Variants in PLCH1 observed in about 807,000 individuals in gnomAD.
PLCH1 encodes the protein phospholipase C eta 1.
In PLCH1, 60 loss-of-function variants were observed where a neutral mutation model predicts 126.7. The ratio of observed to expected loss-of-function variants is 0.47; its 90% CI spans 0.38 to 0.59. The LOEUF (loss-of-function observed/expected upper bound fraction) is 0.59, where lower values mean the gene tolerates loss of function less well. Among genes scored for constraint, PLCH1 ranks in the 20% least tolerant of loss-of-function variants. The pLI, the probability that PLCH1 is intolerant of heterozygous loss-of-function variation, is 0.00. For synonymous variants in PLCH1, 719 were observed against 734.9 expected (o/e 0.98, Z 0.35); for missense variants, 1,723 against 2,040.0 (o/e 0.84, Z 2.99).
chr3:155,742,455 T>C (rs1405079116), intron 1 of PLCH1: 1 of 152,174 alleles, frequency 6.6e-6, no homozygotes, highest in Non-Finnish European at 1.5e-5. Context: ...AAATCCTCGC[T>C]CTGCCCATCA....
Position 155,718,000 on chromosome 3 carries a change from T to C in PLCH1, c.-40-13736A>G, listed in dbSNP as rs115389047. On this transcript the variant is annotated intron_variant, in intron 1 of 22. Transcript: ENST00000460012. ...CTTTAAGTCATTTATTTGCTCCCAC[T>C]TCTGAGCATAGGCTGTTAGAAGCAG... Among the ~76,000 whole-genome samples, 680 of 152,310 alleles carry C rather than the reference T, an allele frequency of 4.5e-3. 6 individuals carry two copies. Among genetic ancestry groups the C allele is most frequent in the African/African-American group, 0.015 (634 of 41,566 alleles).
At chr3:155,744,442 G>T (rs945163770) in intron 1 of PLCH1, among the ~76,000 whole-genome samples, 1 of 152,224 alleles carries the variant, frequency 6.6e-6, no homozygotes, top group Non-Finnish European at 1.5e-5. Flanking sequence ...ACGCGGACCT[G>T]CTCTCCTGGC....
intron 2 of PLCH1, among the ~76,000 whole-genome samples, chr3:155,650,212 T>C (rs1366579887): frequency 6.6e-6 from 1 of 152,210 alleles, no homozygotes; most frequent in South Asian, 2.1e-4. Flanking sequence ...CTATGAGATG[T>C]GATAGGTATA....
At chr3:155,579,188 G>A (rs951065709) in intron 6 of PLCH1, among the ~76,000 whole-genome samples, 3 of 152,134 alleles carry the variant, frequency 2.0e-5, no homozygotes, top group East Asian at 1.9e-4. Flanking sequence ...CTTGTTAATC[G>A]GTCTTTTGTT....
intron 2 of PLCH1, among the ~76,000 whole-genome samples, chr3:155,622,102 A>T (rs1030521191): frequency 1.3e-5 from 2 of 152,230 alleles, no homozygotes; most frequent in African/African-American, 4.8e-5. Flanking sequence ...AGTGGGGGCC[A>T]ATATTCAACA....
chr3:155,502,625 A>C (rs528718330), intron 13 of PLCH1, among the ~76,000 whole-genome samples: 1 of 152,344 alleles, frequency 6.6e-6, no homozygotes, highest in South Asian at 2.1e-4. Context: ...ATGAATCACC[A>C]ATGACAGATA....
At chr3:155,627,723 A>T (rs539706749) in intron 2 of PLCH1, among the ~76,000 whole-genome samples, 39 of 152,014 alleles carry the variant, frequency 2.6e-4, no homozygotes, top group African/African-American at 9.4e-4. Flanking sequence ...TGATGTGATT[A>T]AAAAGAATAT....
intron 8 of PLCH1, 55 bp from the exon 9 acceptor site, chr3:155,554,251 A>G (rs1228460680): frequency 1.7e-5 from 27 of 1,550,354 alleles, no homozygotes; most frequent in Non-Finnish European, 2.2e-5. Context: ...GTTTATTAAT[A>G]TTTCTGGAAA....
chr3:155,608,705 A>G (rs560229412), intron 2 of PLCH1, among the ~76,000 whole-genome samples: 1 of 152,144 alleles, frequency 6.6e-6, no homozygotes, highest in Non-Finnish European at 1.5e-5. Context: ...CTCCCACCCA[A>G]GGAGAGTCTG....
At chr3:155,506,576 C>T (rs910913552) in intron 12 of PLCH1, among the ~76,000 whole-genome samples, 2 of 126,128 alleles carry the variant, frequency 1.6e-5, no homozygotes, top group Non-Finnish European at 3.2e-5. Flanking sequence ...TTGTTCAATT[C>T]CCACCTATGA....
intron 1 of PLCH1, among the ~76,000 whole-genome samples, chr3:155,705,254 G>C (rs1746570713): frequency 6.6e-6 from 1 of 152,102 alleles, no homozygotes; most frequent in Non-Finnish European, 1.5e-5. Flanking sequence ...TTCATTAATG[G>C]AACAATTGGT....
At chr3:155,490,967 A>G (rs2108073088) in intron 18 of PLCH1, 99 bp from the exon 19 acceptor site, 1 of 668,914 alleles carries the variant, frequency 1.5e-6, no homozygotes. Context: ...TTTCGACAGC[A>G]ACTGATTTTA....
intron 10 of PLCH1, among the ~76,000 whole-genome samples, chr3:155,539,884 A>G (rs1380354073): frequency 2.0e-5 from 3 of 152,162 alleles, no homozygotes; most frequent in Non-Finnish European, 4.4e-5. Flanking sequence ...AACTGGAAAA[A>G]AAATCCTAAA....
intron 10 of PLCH1, among the ~76,000 whole-genome samples, chr3:155,526,489 TACACACACACACACACACACAC>T (rs35144196): frequency 1.6e-5 from 2 of 126,566 alleles, no homozygotes; most frequent in Admixed American, 8.2e-5. Flanking sequence ...CTCTCTCTCA[TACACACACACACACACACACAC>T]ACACACACAC....
chr3:155,647,894 T>C (rs758015615), intron 2 of PLCH1, among the ~76,000 whole-genome samples: 306 of 152,290 alleles, frequency 2.0e-3, no homozygotes, highest in Middle Eastern at 3.4e-3. Flanking sequence ...CCTGTGCACT[T>C]TACCTGCTTT....
intron 2 of PLCH1, among the ~76,000 whole-genome samples, chr3:155,699,067 T>C (rs924133214): frequency 1.3e-5 from 2 of 151,772 alleles, no homozygotes; most frequent in African/African-American, 2.4e-5. Flanking sequence ...AATGATAATA[T>C]TTTTAATCTT....
intron 10 of PLCH1, among the ~76,000 whole-genome samples, chr3:155,545,243 G>C (rs1214117308): frequency 6.7e-6 from 1 of 150,086 alleles, no homozygotes; most frequent in African/African-American, 2.4e-5. Context: ...ACTACCATCA[G>C]AGAATACTAC....
At chr3:155,519,549 T>C (rs1720792648) in intron 11 of PLCH1, among the ~76,000 whole-genome samples, 1 of 152,070 alleles carries the variant, frequency 6.6e-6, no homozygotes, top group Non-Finnish European at 1.5e-5. Flanking sequence ...AATTGGGTGC[T>C]GCTCCTTGAA....
intron 8 of PLCH1, among the ~76,000 whole-genome samples, chr3:155,559,558 T>A (rs1727299579): frequency 6.6e-6 from 1 of 152,180 alleles, no homozygotes; most frequent in African/African-American, 2.4e-5. Context: ...GTAGTTCAAC[T>A]TCTATTGTCC....
Sources: allele counts gnomAD v4.1 joint callset (sites outside exome capture counted in the v4.1 genomes callset), GRCh38; gene constraint gnomAD v4.1.1; transcripts MANE v1.5; gene names NCBI Gene and HGNC (gene_info 2026-07-23, HGNC 2026-07-21).